Variants in UNC5C observed in about 807,000 individuals in gnomAD.
UNC5C encodes the protein netrin receptor UNC5C.
UNC5C carries 47 observed loss-of-function variants against 99.8 expected under a neutral mutation model. The observed-to-expected ratio is 0.47, with a 90% CI of 0.37 to 0.60. The LOEUF (loss-of-function observed/expected upper bound fraction) is 0.60, where lower values mean the gene tolerates loss of function less well. UNC5C is among the 20% of genes least tolerant of loss of function. The probability of loss-of-function intolerance (pLI) is 0.00; values close to 1 mark genes in which losing one functional copy is unlikely to be tolerated. For synonymous variants in UNC5C, 487 were observed against 452.2 expected, an observed-to-expected ratio of 1.08 and a Z score of -0.98; for missense variants, 1,062 against 1,165.9, an observed-to-expected ratio of 0.91 and a Z score of 1.30.
chr4:95,283,156 T>C (rs4349608), intron 3 of UNC5C, among the ~76,000 whole-genome samples: 6,838 of 152,270 alleles, frequency 0.045, 501 homozygotes, highest in African/African-American at 0.15. Context: ...TCTTAGAATA[T>C]GGTGCAATTT....
At chr4:95,478,963 C>T (rs1721049358) in intron 1 of UNC5C, among the ~76,000 whole-genome samples, 1 of 151,952 alleles carries the variant, frequency 6.6e-6, no homozygotes, top group Non-Finnish European at 1.5e-5. Context: ...TATTCCCCCT[C>T]TCATCATGTG....
chr4:95,536,531 C>T (rs1455618902), intron 1 of UNC5C, among the ~76,000 whole-genome samples: 8 of 152,128 alleles, frequency 5.3e-5, no homozygotes, highest in Admixed American at 6.6e-5. Context: ...TTCAGTCAGT[C>T]TGGCATCATC....
At chr4:95,479,555 G>T (rs749266968) in intron 1 of UNC5C, among the ~76,000 whole-genome samples, 7 of 151,838 alleles carry the variant, frequency 4.6e-5, no homozygotes, top group Non-Finnish European at 1.0e-4. Context: ...ACATACAAAG[G>T]TTCTGAAACT....
intron 12 of UNC5C, 141 bp from the exon 13 acceptor site, chr4:95,185,337 C>T (rs1187877838): frequency 7.4e-6 from 7 of 952,098 alleles, no homozygotes; most frequent in Non-Finnish European, 1.1e-5. Flanking sequence ...CTTTTGCAGC[C>T]TCGAGACCCT....
At chr4:95,256,986 G>A (rs937632831) in intron 4 of UNC5C, among the ~76,000 whole-genome samples, 1 of 151,926 alleles carries the variant, frequency 6.6e-6, no homozygotes, top group Non-Finnish European at 1.5e-5. Flanking sequence ...TAGATAGATG[G>A]TGCTCACCCA....
intron 1 of UNC5C, among the ~76,000 whole-genome samples, chr4:95,405,819 C>T (rs996207013): frequency 3.3e-5 from 5 of 152,170 alleles, no homozygotes; most frequent in Admixed American, 2.0e-4. Flanking sequence ...TTTCTCACTG[C>T]CTTTACTATT....
intron 1 of UNC5C, among the ~76,000 whole-genome samples, chr4:95,547,173 T>C (rs1248462121): frequency 6.6e-6 from 1 of 151,860 alleles, no homozygotes. Context: ...ACAGATGAAC[T>C]CTGGAGGTGT....
rs548556670 is a variant in UNC5C at position 95,176,720 on chromosome 4, G to C, written c.2451+6177C>G. ...GTTTGTCTGTGCCCTGCCCCCAGAG[G>C]TGGAGCCTGCAGAGGCAGGCAGGCC... On this transcript the variant is annotated intron_variant, in intron 14 of 15. Transcript: ENST00000453304. 2.2e-3 allele frequency among the ~76,000 whole-genome samples: 336 copies of C among 152,370 alleles called. 1 individual carries two copies. The highest frequency in any genetic ancestry group is 7.8e-3 in the African/African-American group (325 of 41,582).
At chr4:95,494,609 G>T (rs1721582568) in intron 1 of UNC5C, among the ~76,000 whole-genome samples, 1 of 151,456 alleles carries the variant, frequency 6.6e-6, no homozygotes, top group Admixed American at 6.6e-5. Context: ...GAGAAGTAAA[G>T]TTCACATAAG....
chr4:95,174,543 T>C (rs1736256641), intron 14 of UNC5C, among the ~76,000 whole-genome samples: 1 of 152,202 alleles, frequency 6.6e-6, no homozygotes, highest in Admixed American at 6.5e-5. Flanking sequence ...TTCTATGTAG[T>C]TGAGCGGTTT....
At chr4:95,205,118 A>T (rs2149361637) in intron 11 of UNC5C, among the ~76,000 whole-genome samples, 1 of 152,262 alleles carries the variant, frequency 6.6e-6, no homozygotes, top group Non-Finnish European at 1.5e-5. Context: ...AAGAGTAACG[A>T]TGCCCACGTC....
chr4:95,548,542 C>CATA (rs953865734), intron 1 of UNC5C, among the ~76,000 whole-genome samples, 192 bp downstream of exon 1: 23 of 151,586 alleles, frequency 1.5e-4, no homozygotes, highest in South Asian at 4.2e-4. Context: ...ATAGATTAAA[C>CATA]ATAATAATAA....
In UNC5C at chr4:95,164,332, AT is replaced by A. The variant is rs1281590991; in HGVS notation, c.*4901del. On this transcript the variant is annotated 3_prime_UTR_variant, in exon 16 of 16. Coordinates refer to ENST00000453304, the MANE Select transcript of UNC5C (RefSeq NM_003728.4). ...ATATATTTATTCCCCCTTATGCCTTATTCCATTAAAAAGAAATAATTAGAGA... is the reference window on the plus strand; with the variant it reads ...ATATATTTATTCCCCCTTATGCCTTATCCATTAAAAAGAAATAATTAGAGA... 1 of 152,194 alleles carries A rather than the reference AT, an allele frequency of 6.6e-6. No homozygotes were observed. 9.4% of individuals were successfully genotyped at this position (152,194 alleles called of 1,614,324 possible).
intron 4 of UNC5C, among the ~76,000 whole-genome samples, chr4:95,275,507 C>T (rs1452145950): frequency 6.6e-6 from 1 of 151,942 alleles, no homozygotes; most frequent in Non-Finnish European, 1.5e-5. Flanking sequence ...AATACTTTGG[C>T]CAAAGTAAAA....
At chr4:95,256,714 A>ATATATG (rs1553958337) in intron 4 of UNC5C, among the ~76,000 whole-genome samples, 1 of 127,302 alleles carries the variant, frequency 7.9e-6, no homozygotes, top group Non-Finnish European at 1.8e-5. Flanking sequence ...ATATATATAT[A>ATATATG]TATATATGAG....
Position 95,485,940 on chromosome 4 carries a change from C to A in UNC5C, c.124+62794G>T, listed in dbSNP as rs1285830338. Among the ~76,000 whole-genome samples, 3 of 151,310 alleles carry A rather than the reference C, an allele frequency of 2.0e-5. No homozygotes were observed. In the East Asian group the frequency reaches 5.9e-4, roughly 30 times the overall value. ...ATCTTTTCCATTAAGAATTAAGAAC[C>A]CTGCGATCATCAAAAAAAGTTGCAT... On this transcript the variant is annotated intron_variant, in intron 1 of 15. Coordinates refer to ENST00000453304, the MANE Select transcript of UNC5C (RefSeq NM_003728.4).
chr4:95,505,028 A>G (rs1200036395), intron 1 of UNC5C, among the ~76,000 whole-genome samples: 1 of 152,128 alleles, frequency 6.6e-6, no homozygotes, highest in Non-Finnish European at 1.5e-5. Flanking sequence ...ATCTCTTACT[A>G]AATAAAAATG....
intron 1 of UNC5C, among the ~76,000 whole-genome samples, chr4:95,482,718 A>G (rs1439318093): frequency 7.7e-4 from 95 of 123,110 alleles, no homozygotes; most frequent in African/African-American, 2.9e-3. Flanking sequence ...AGGGACATGG[A>G]TGAAATTGGA....
intron 1 of UNC5C, among the ~76,000 whole-genome samples, chr4:95,518,011 T>A (rs905146068): frequency 2.0e-5 from 3 of 152,212 alleles, no homozygotes; most frequent in African/African-American, 7.2e-5. Flanking sequence ...GCATTAACTC[T>A]AATCATGGAT....
Sources: gnomAD v4.1 joint callset for allele counts (sites outside exome capture counted in the v4.1 genomes callset) on GRCh38, gnomAD v4.1.1 for gene constraint, MANE v1.5 for transcripts, NCBI Gene and HGNC (gene_info 2026-07-23, HGNC 2026-07-21) for gene names.